NSD2: variants seen among roughly 807,000 people sequenced by gnomAD.
The protein encoded by NSD2 is histone-lysine N-methyltransferase NSD2.
A neutral mutation model predicts 139.0 loss-of-function variants in NSD2; 12 were observed. That is an observed-to-expected ratio of 0.09 (90% CI 0.06 to 0.14). The LOEUF (loss-of-function observed/expected upper bound fraction) is 0.14. NSD2 is among the 10% of genes least tolerant of loss of function. The probability of loss-of-function intolerance (pLI) is 1.00; values close to 1 mark genes in which losing one functional copy is unlikely to be tolerated. For synonymous variants in NSD2, 669 were observed against 648.7 expected, an observed-to-expected ratio of 1.03 and a Z score of -0.48; for missense variants, 1,155 against 1,745.0, an observed-to-expected ratio of 0.66 and a Z score of 6.02.
chr4:1,974,567 G>A lies in NSD2; in HGVS notation c.3373-296G>A, dbSNP rs1726857789. 2.0e-6 allele frequency: 1 copy of A among 509,402 alleles called. No individual in the cohort carries two copies. Among genetic ancestry groups the A allele is most frequent in the East Asian group, 3.9e-5 (1 of 25,656 alleles). The allele number at this position is 509,402 out of a possible 1,614,324, so 31.6% of individuals were successfully genotyped here. A position where few individuals can be genotyped will look rare whatever the true frequency, so the allele number is the denominator to read the frequency against. ...GCCACTTGGCTAGGCTGTTGCTGCT[G>A]ACCTTAGCTCCCTTGTTTGCCATCA... On this transcript the variant is annotated intron_variant, in intron 18 of 21. Transcript: ENST00000508803. The surrounding 1 kb of genome is among the most constrained non-coding windows in gnomAD (Gnocchi z 4.0).
In NSD2 at chr4:1,901,245, TAAA is replaced by T; in HGVS notation, c.594_596del (p.Lys199del). The T allele has an allele frequency of 6.4e-7, 1 of 1,567,034 alleles. No homozygotes were observed. Among genetic ancestry groups the T allele is most frequent in the South Asian group, 1.2e-5 (1 of 81,262 alleles). On this transcript the variant is annotated inframe_deletion, in exon 2 of 22. Transcript: ENST00000508803. ...TGTCTAAGATCTCAAGTCCTTCAGA[TAAA>T]AAGGTATTTAGGAGACGTTGTGTAA...
At chr4:1,951,290 T>G in intron 10 of NSD2, 87 bp downstream of exon 10, 1 of 1,559,318 alleles carries the variant, frequency 6.4e-7, no homozygotes. Flanking sequence ...GTCTTTTCCC[T>G]TCCCACCAGA....
At chr4:1,960,930 G>A in intron 17 of NSD2, 105 bp from the exon 18 acceptor site, 3 of 781,946 alleles carry the variant, frequency 3.8e-6, no homozygotes, top group Non-Finnish European at 4.4e-6. Context: ...GTATGCTGAT[G>A]TGTGTGGTGC....
chr4:1,942,988 A>AT lies in NSD2; in HGVS notation c.1881+3213dup. 9.5e-7 allele frequency: 1 copy of AT among 1,051,582 alleles called. No homozygotes were observed. The highest frequency in any genetic ancestry group is 1.1e-6 in the Non-Finnish European group (1 of 870,632). The allele number at this position is 1,051,582 out of a possible 1,614,324, so 65.1% of individuals were successfully genotyped here. On this transcript the variant is annotated intron_variant, in intron 9 of 21. Coordinates refer to ENST00000508803, the MANE Select transcript of NSD2 (RefSeq NM_001042424.3). This position sits in a 1 kb window ranked among gnomAD's most constrained non-coding sequence, Gnocchi z 4.0. ...CAGTAAATTTTTAGAAAAAAATACC[A>AT]TTTACAGTATTATTGTGAACCATTT...
chr4:1,904,540 CT>C (rs1717632003), intron 3 of NSD2, among the ~76,000 whole-genome samples, 162 bp downstream of exon 3: 1 of 152,294 alleles, frequency 6.6e-6, no homozygotes, highest in South Asian at 2.1e-4. Flanking sequence ...GTTGCCATTT[CT>C]TTTTATATTC....
rs575927669 is a variant in NSD2, at chr4:1,903,233, C to G, written c.598-983C>G. On this transcript the variant is annotated intron_variant, in intron 2 of 21. Transcript: ENST00000508803. ...ACAATTTACTCATGTGTATAGTGCT[C>G]TTGAGCAAGGCTAGAGATTCACCCT... Among the ~76,000 whole-genome samples, 6 of 152,304 alleles carry G rather than the reference C, an allele frequency of 3.9e-5. No homozygotes were observed. In the South Asian group the frequency reaches 1.0e-3, roughly 26 times the overall value.
intron 1 of NSD2, chr4:1,892,653 C>T (rs542757361): frequency 6.6e-6 from 1 of 151,072 alleles, no homozygotes; most frequent in African/African-American, 2.5e-5. Flanking sequence ...TCATTGTAAC[C>T]TCCGCCTCGG....
At chr4:1,881,848 C>A (rs1714728656) in intron 1 of NSD2, among the ~76,000 whole-genome samples, 1 of 152,104 alleles carries the variant, frequency 6.6e-6, no homozygotes, top group Non-Finnish European at 1.5e-5. Context: ...GACACTAGAG[C>A]AGGGAGCAGA....
In NSD2 at chr4:1,978,806, C is replaced by G; in HGVS notation, c.3995C>G (p.Ser1332Trp). The G allele has an allele frequency of 2.5e-6, 4 of 1,611,936 alleles. No homozygotes were observed. Among genetic ancestry groups the G allele is most frequent in the Non-Finnish European group, 3.4e-6 (4 of 1,178,476 alleles). Reference sequence around the variant, plus strand: ...TGTGAGCATGACTTAGGGGCGGCATCGGTCAGAAGCACCAAGACTGAGAAG... The same window carrying G: ...TGTGAGCATGACTTAGGGGCGGCATGGGTCAGAAGCACCAAGACTGAGAAG... ...YCCEHDLGAASVRSTKTEKPP... is the reference protein window; with the variant it reads ...YCCEHDLGAAWVRSTKTEKPP... Residue 1332 changes from serine (S) to tryptophan (W), a missense_variant, in exon 22 of 22, where the codon TCG (serine) becomes TGG (tryptophan). Ser to Trp is a radical substitution (Grantham distance 177). Coordinates refer to ENST00000508803, the MANE Select transcript of NSD2 (RefSeq NM_001042424.3).
At chr4:1,900,575 T>G in intron 1 of NSD2, 51 bp from the exon 2 acceptor site, 1 of 1,301,488 alleles carries the variant, frequency 7.7e-7, no homozygotes, top group Non-Finnish European at 1.0e-6. Context: ...CTATCCTAGG[T>G]TTTAAATGTA....
At chr4:1,940,072 G>C in intron 9 of NSD2, 1 of 1,274,650 alleles carries the variant, frequency 7.8e-7, no homozygotes, top group Non-Finnish European at 1.0e-6. Flanking sequence ...GAAGAATGTT[G>C]TGTTCTGTGT....
intron 1 of NSD2, among the ~76,000 whole-genome samples, chr4:1,879,130 A>G (rs535502670): frequency 2.6e-5 from 4 of 152,322 alleles, no homozygotes; most frequent in African/African-American, 7.2e-5. Context: ...GATCTTGAGC[A>G]TGGCATGTGG....
intron 1 of NSD2, among the ~76,000 whole-genome samples, chr4:1,873,853 AT>A (rs1476458672): frequency 6.6e-6 from 1 of 152,136 alleles, no homozygotes; most frequent in Non-Finnish European, 1.5e-5. Context: ...GTCCTGTGCT[AT>A]TTATTTATTT....
intron 18 of NSD2, among the ~76,000 whole-genome samples, chr4:1,968,775 G>T (rs369375527): frequency 1.3e-5 from 2 of 152,194 alleles, no homozygotes; most frequent in East Asian, 3.8e-4. Context: ...TAGTTATTGG[G>T]GTGGAGGAGA....
At chr4:1,904,651 C>T (rs920567533) in intron 3 of NSD2, among the ~76,000 whole-genome samples, 17 of 152,082 alleles carry the variant, frequency 1.1e-4, no homozygotes, top group East Asian at 3.8e-4. Context: ...TATTTAGTTA[C>T]GATGATTGCT....
Position 1,947,151 on chromosome 4 carries a change from G to C in NSD2, c.1882-3921G>C, listed in dbSNP as rs1412420602. The C allele has an allele frequency of 4.7e-6, 5 of 1,064,656 alleles. No individual in the cohort carries two copies. The African/African-American group carries it at 8.2e-5, about 17-fold the overall frequency. 66.0% of individuals were successfully genotyped at this position (1,064,656 alleles called of 1,614,324 possible). A position where few individuals can be genotyped will look rare whatever the true frequency, so the allele number is the denominator to read the frequency against. The stretch of plus-strand genomic sequence containing the variant: ...GTGCACAGCCTGCTGTCTGCAGTCG[G>C]CCAGACCAGGCTCCTCCCCAGCACA... On this transcript the variant is annotated intron_variant, in intron 9 of 21. Transcript: ENST00000508803.
At chr4:1,961,227 T>C in intron 18 of NSD2, 76 bp downstream of exon 18, 1 of 1,243,254 alleles carries the variant, frequency 8.0e-7, no homozygotes, top group Non-Finnish European at 1.1e-6. Flanking sequence ...AGAACTGGAC[T>C]TTGCCCTGTG....
chr4:1,935,178 G>A lies in NSD2; in HGVS notation c.1590G>A (p.Lys530=). 3.7e-6 allele frequency: 6 copies of A among 1,612,482 alleles called. No homozygotes were observed. Among genetic ancestry groups the A allele is most frequent in the Non-Finnish European group, 5.1e-6 (6 of 1,179,142 alleles). ...NVNGKKRNHT[K]RIQDPTEDAE... The stretch of plus-strand genomic sequence containing the variant: ...ATGGGAAAAAAAGAAACCACACAAA[G>A]AGGATACAGGACCCTACAGAAGATG... The change falls in exon 7 of 22, where the codon AAG becomes AAA. Residue 530 remains lysine (K), a synonymous_variant. Coordinates refer to ENST00000508803, the MANE Select transcript of NSD2 (RefSeq NM_001042424.3).
chr4:1,978,951 C>T lies in NSD2; in HGVS notation c.*42C>T, dbSNP rs370043407. ...GGCCGGATCCAGGGGCGGTGCAGGG[C>T]GGCCGGCCCTGCCTGCGGGAGAGGG... On this transcript the variant is annotated 3_prime_UTR_variant, in exon 22 of 22. Transcript: ENST00000508803. 2.1e-6 allele frequency: 3 copies of T among 1,451,872 alleles called. No individual in the cohort carries two copies. Among genetic ancestry groups the T allele is most frequent in the East Asian group, 2.5e-5 (1 of 39,856 alleles). 89.9% of individuals were successfully genotyped at this position (1,451,872 alleles called of 1,614,324 possible).
Sources: gnomAD v4.1 joint callset for allele counts (sites outside exome capture counted in the v4.1 genomes callset) on GRCh38, gnomAD v4.1.1 for gene constraint, Gnocchi (gnomAD v3.1) non-coding constraint, MANE v1.5 for transcripts, NCBI Gene and HGNC (gene_info 2026-07-23, HGNC 2026-07-21) for gene names.